DENND4C: variants seen among roughly 807,000 people sequenced by gnomAD.
DENND4C encodes DENN domain containing 4C.
A neutral mutation model predicts 203.0 loss-of-function variants in DENND4C; 108 were observed. That is an observed-to-expected ratio of 0.53 (90% confidence interval 0.46 to 0.62). The LOEUF is 0.62. DENND4C is among the 20% of genes least tolerant of loss of function. DENND4C has a pLI of 0.00. For missense variants in DENND4C, 2,481 were observed against 2,301.2 expected (o/e 1.08, Z -1.60); for synonymous variants, 871 against 792.4 (o/e 1.10, Z -1.67).
intron 10 of DENND4C, among the ~76,000 whole-genome samples, chr9:19,310,481 A>G (rs1222224924): frequency 6.6e-6 from 1 of 152,232 alleles, no homozygotes; most frequent in Admixed American, 6.5e-5. Context: ...CCATGATGCA[A>G]CAGCACATTT....
intron 1 of DENND4C, among the ~76,000 whole-genome samples, chr9:19,253,514 G>A (rs1015955367): frequency 3.3e-5 from 5 of 152,202 alleles, no homozygotes; most frequent in African/African-American, 9.6e-5. Context: ...CTTTGATAAT[G>A]CTTTCTAATG....
chr9:19,288,584 C>G lies in DENND4C; in HGVS notation c.559-12C>G. On this transcript the variant is annotated splice_polypyrimidine_tract_variant and intron_variant, in intron 3 of 32. Coordinates refer to ENST00000434457, the MANE Select transcript of DENND4C (RefSeq NM_001330640.2). ...TTTTGTCTTTTTTATAAACCTAATT[C>G]ATGTTTTACAGTGGGGTTCCAGCGT... 1 of 1,229,286 alleles carries G rather than the reference C, an allele frequency of 8.1e-7. No individual in the cohort carries two copies. The highest frequency in any genetic ancestry group is 1.0e-6 in the Non-Finnish European group (1 of 985,720). The allele number at this position is 1,229,286 out of a possible 1,614,324, so 76.1% of individuals were successfully genotyped here.
At chr9:19,280,797 A>T (rs563504174) in intron 2 of DENND4C, among the ~76,000 whole-genome samples, 2 of 151,878 alleles carry the variant, frequency 1.3e-5, no homozygotes, top group Non-Finnish European at 2.9e-5. Context: ...CTGCAGTGCA[A>T]TGGTGTGATC....
intron 30 of DENND4C, among the ~76,000 whole-genome samples, chr9:19,366,750 C>T (rs748753079): frequency 1.3e-5 from 2 of 152,116 alleles, no homozygotes; most frequent in Admixed American, 6.6e-5. Flanking sequence ...CTATAAAGCA[C>T]TTAGAAGAAA....
At chr9:19,307,631 A>T (rs1191035668) in intron 10 of DENND4C, among the ~76,000 whole-genome samples, 1 of 151,660 alleles carries the variant, frequency 6.6e-6, no homozygotes, top group East Asian at 2.0e-4. Context: ...TTAGCCAGGC[A>T]TGGTGGTGGG....
intron 12 of DENND4C, among the ~76,000 whole-genome samples, chr9:19,317,777 A>G (rs1194342318): frequency 6.6e-6 from 1 of 152,214 alleles, no homozygotes; most frequent in African/African-American, 2.4e-5. Context: ...AAGAAAACAT[A>G]TTTTACACAG....
At chr9:19,349,701 T>G (rs1823654823) in intron 23 of DENND4C, among the ~76,000 whole-genome samples, 1 of 152,212 alleles carries the variant, frequency 6.6e-6, no homozygotes, top group African/African-American at 2.4e-5. Context: ...CAATGTAATT[T>G]ATATAAGATT....
intron 22 of DENND4C, among the ~76,000 whole-genome samples, chr9:19,344,983 C>T (rs1408704281): frequency 6.6e-6 from 1 of 152,094 alleles, no homozygotes; most frequent in African/African-American, 2.4e-5. Flanking sequence ...CCTTTAAGGG[C>T]TCTAATCCCA....
chr9:19,305,662 C>G lies in DENND4C; in HGVS notation c.1487+135C>G, dbSNP rs1483247538. On this transcript the variant is annotated intron_variant, in intron 10 of 32. Transcript: ENST00000434457. ...CGTCTTAAATACAGCAGCTCTCAAC[C>G]AGGGCAGGTATCAGAATCTGGGAAT... 1.4e-5 allele frequency: 11 copies of G among 794,328 alleles called. No individual in the cohort carries two copies. The East Asian group carries it at 2.1e-4, about 15-fold the overall frequency. The allele number at this position is 794,328 out of a possible 1,614,324, so 49.2% of individuals were successfully genotyped here. A position where few individuals can be genotyped will look rare whatever the true frequency, so the allele number is the denominator to read the frequency against.
At chr9:19,272,965 T>TTTG (rs1832062099) in intron 1 of DENND4C, among the ~76,000 whole-genome samples, 1 of 146,728 alleles carries the variant, frequency 6.8e-6, no homozygotes, top group Admixed American at 6.8e-5. Flanking sequence ...TTTTTTTTTT[T>TTTG]TGAGATGGAG....
chr9:19,282,331 C>T (rs1260712261), intron 2 of DENND4C, among the ~76,000 whole-genome samples: 3 of 151,872 alleles, frequency 2.0e-5, no homozygotes, highest in Non-Finnish European at 4.4e-5. Context: ...TCTAGGCTCA[C>T]TGCAGCCTCC....
chr9:19,304,108 G>T (rs1588880337), intron 9 of DENND4C, among the ~76,000 whole-genome samples: 1 of 141,726 alleles, frequency 7.1e-6, no homozygotes, highest in Admixed American at 7.3e-5. Flanking sequence ...AGGAAAATGG[G>T]TAAAGATTCT....
chr9:19,240,850 CA>C (rs1015136979), intron 1 of DENND4C, among the ~76,000 whole-genome samples: 4 of 151,836 alleles, frequency 2.6e-5, no homozygotes, highest in African/African-American at 9.7e-5. Context: ...GCCTGTAATC[CA>C]AGCTATTTGG....
intron 18 of DENND4C, among the ~76,000 whole-genome samples, chr9:19,336,060 T>G (rs1820393618): frequency 6.6e-6 from 1 of 152,132 alleles, no homozygotes; most frequent in Admixed American, 6.5e-5. Context: ...TTCTAACAAG[T>G]ATGAGGTGAT....
At chr9:19,362,962 T>G (rs1826814523) in intron 30 of DENND4C, among the ~76,000 whole-genome samples, 1 of 152,216 alleles carries the variant, frequency 6.6e-6, no homozygotes, top group Non-Finnish European at 1.5e-5. Context: ...TGTATTAGTT[T>G]GCTAGGGCTG....
At chr9:19,360,856 T>G (rs987872362) in intron 29 of DENND4C, among the ~76,000 whole-genome samples, 27 of 152,222 alleles carry the variant, frequency 1.8e-4, no homozygotes, top group African/African-American at 5.8e-4. Flanking sequence ...ATATATTTTC[T>G]TGGCCTGAAC....
intron 26 of DENND4C, among the ~76,000 whole-genome samples, chr9:19,354,742 C>T (rs1203129893): frequency 2.6e-5 from 4 of 151,560 alleles, no homozygotes; most frequent in South Asian, 4.2e-4. Context: ...GATGGGGTTT[C>T]GCCATGTTAG....
chr9:19,305,597 G>C, intron 10 of DENND4C, 70 bp downstream of exon 10: 1 of 1,451,304 alleles, frequency 6.9e-7, no homozygotes, highest in Non-Finnish European at 9.3e-7. Context: ...TTCTTTGAAA[G>C]CATCTAGAAA....
chr9:19,295,002 T>G (rs1287150564), intron 5 of DENND4C, among the ~76,000 whole-genome samples: 1 of 152,218 alleles, frequency 6.6e-6, no homozygotes, highest in Non-Finnish European at 1.5e-5. Flanking sequence ...GTGAAGGTAC[T>G]TAATACCAGT....
Sources: allele counts gnomAD v4.1 joint callset (sites outside exome capture counted in the v4.1 genomes callset), GRCh38; gene constraint gnomAD v4.1.1; transcripts MANE v1.5; gene names NCBI Gene and HGNC (gene_info 2026-07-23, HGNC 2026-07-21).